The following SPAG16 variants were observed in gnomAD, a reference collection of about 807,000 sequenced individuals.
SPAG16 encodes the protein sperm associated antigen 16.
SPAG16 carries 86 observed loss-of-function variants against 80.4 expected under a neutral mutation model. That is an observed-to-expected ratio of 1.07 (90% confidence interval 0.90 to 1.28). The LOEUF is 1.28. SPAG16 is among the 50% of genes most tolerant of loss of function. The pLI is 0.00. For missense variants in SPAG16, 870 were observed against 765.3 expected (o/e 1.14, Z -1.61); for synonymous variants, 294 against 265.9 (o/e 1.11, Z -1.03).
intron 13 of SPAG16, among the ~76,000 whole-genome samples, chr2:214,014,652 A>G (rs1290306596): frequency 6.6e-6 from 1 of 152,234 alleles, no homozygotes; most frequent in Non-Finnish European, 1.5e-5. Context: ...CTGCAATGGC[A>G]TGTTCTGACA....
At chr2:213,679,647 G>T (rs529033678) in intron 10 of SPAG16, among the ~76,000 whole-genome samples, 25 of 152,226 alleles carry the variant, frequency 1.6e-4, no homozygotes, top group African/African-American at 6.0e-4. Context: ...TGTCTGTGAT[G>T]AAAATATTTG....
At chr2:213,947,455 T>G (rs1483720651) in intron 12 of SPAG16, among the ~76,000 whole-genome samples, 1 of 152,188 alleles carries the variant, frequency 6.6e-6, no homozygotes, top group Non-Finnish European at 1.5e-5. Context: ...GTTAGACATC[T>G]TATTATGTAC....
At chr2:214,151,895 A>C (rs1438301356) in intron 15 of SPAG16, among the ~76,000 whole-genome samples, 2 of 152,166 alleles carry the variant, frequency 1.3e-5, no homozygotes, top group African/African-American at 4.8e-5. Context: ...TCATATAAGG[A>C]ATGTGGGTGG....
chr2:214,169,570 T>A (rs1003049926), intron 15 of SPAG16, among the ~76,000 whole-genome samples: 5 of 152,036 alleles, frequency 3.3e-5, no homozygotes, highest in South Asian at 2.1e-4. Context: ...TGGAGAGAAA[T>A]GCTGCCTTCC....
chr2:213,424,769 G>A (rs1335779985), intron 9 of SPAG16, among the ~76,000 whole-genome samples: 1 of 152,138 alleles, frequency 6.6e-6, no homozygotes, highest in Non-Finnish European at 1.5e-5. Flanking sequence ...TACAATTTGA[G>A]CTTTGAGAAT....
In SPAG16 at chr2:214,213,903, T is replaced by C. The variant is rs139590538; in HGVS notation, c.1720+64637T>C. Among the ~76,000 whole-genome samples, 1,186 of 152,200 alleles carry C rather than the reference T, an allele frequency of 7.8e-3. 8 individuals are homozygous for C. The highest frequency in any genetic ancestry group is 0.014 in the Middle Eastern group (4 of 294). On this transcript the variant is annotated intron_variant, in intron 15 of 15. Coordinates refer to ENST00000331683, the MANE Select transcript of SPAG16 (RefSeq NM_024532.5). ...CAATAAGTATCCATTAGAAGTAAAA[T>C]TGTAGATGAGTGTGATCTGTTTATA...
intron 10 of SPAG16, among the ~76,000 whole-genome samples, chr2:213,831,845 C>T (rs1224295005): frequency 6.6e-6 from 1 of 151,966 alleles, no homozygotes; most frequent in Non-Finnish European, 1.5e-5. Flanking sequence ...ATTCTTACCC[C>T]ATTTTATAAA....
intron 6 of SPAG16, among the ~76,000 whole-genome samples, chr2:213,346,273 G>T (rs1214837702): frequency 6.6e-6 from 1 of 152,186 alleles, no homozygotes; most frequent in African/African-American, 2.4e-5. Context: ...AGCTTAAGGA[G>T]ATTTTGGGCT....
chr2:214,159,957 T>C (rs1343278627), intron 15 of SPAG16, among the ~76,000 whole-genome samples: 1 of 152,002 alleles, frequency 6.6e-6, no homozygotes, highest in Non-Finnish European at 1.5e-5. Flanking sequence ...GGTTGACAAA[T>C]ATTTAATGTA....
At chr2:214,113,721 T>C (rs1460324241) in intron 14 of SPAG16, among the ~76,000 whole-genome samples, 2 of 152,194 alleles carry the variant, frequency 1.3e-5, no homozygotes, top group East Asian at 3.9e-4. Flanking sequence ...TAGCCATTCA[T>C]CTAATCTTTT....
chr2:213,766,155 A>G (rs1318878596), intron 10 of SPAG16, among the ~76,000 whole-genome samples: 1 of 152,228 alleles, frequency 6.6e-6, no homozygotes, highest in Non-Finnish European at 1.5e-5. Context: ...AATGCCATGT[A>G]TTGTATGATT....
intron 13 of SPAG16, among the ~76,000 whole-genome samples, chr2:214,027,718 TG>T (rs1381697650): frequency 6.6e-6 from 1 of 151,884 alleles, no homozygotes; most frequent in Admixed American, 6.6e-5. Flanking sequence ...ACAGTTAAAA[TG>T]TTTTATGTTA....
At position 213,819,094 on chromosome 2, in the gene SPAG16, TGAA is replaced by T. The variant is rs1226005018; in HGVS notation, c.1071-43389_1071-43387del. ...ACTTTTATTTCAGTGAAGTTTCTCT[TGAA>T]GGAGTGGAACATTTCTTTATAAAAT... is the stretch of plus-strand genomic sequence containing the variant. On this transcript the variant is annotated intron_variant, in intron 10 of 15. Transcript: ENST00000331683. 5.9e-5 allele frequency among the ~76,000 whole-genome samples: 9 copies of T among 152,328 alleles called. No individual in the cohort carries two copies. The South Asian group carries it at 1.4e-3, about 25-fold the overall frequency.
At chr2:213,427,453 G>C (rs2070008779) in intron 9 of SPAG16, among the ~76,000 whole-genome samples, 1 of 151,916 alleles carries the variant, frequency 6.6e-6, no homozygotes, top group South Asian at 2.1e-4. Flanking sequence ...GGATTTTTTT[G>C]ACTGGCTTCT....
At chr2:213,731,409 C>A (rs1188166768) in intron 10 of SPAG16, among the ~76,000 whole-genome samples, 1 of 151,492 alleles carries the variant, frequency 6.6e-6, no homozygotes, top group South Asian at 2.1e-4. Context: ...ATCCATCCAC[C>A]TCGGCCTCCC....
At chr2:214,084,211 A>G (rs555269091) in intron 13 of SPAG16, among the ~76,000 whole-genome samples, 1 of 152,148 alleles carries the variant, frequency 6.6e-6, no homozygotes, top group South Asian at 2.1e-4. Context: ...CCTCTCTAAG[A>G]CTTCATTTCA....
intron 10 of SPAG16, among the ~76,000 whole-genome samples, chr2:213,656,423 T>C (rs2125165700): frequency 6.6e-6 from 1 of 152,332 alleles, no homozygotes; most frequent in East Asian, 1.9e-4. Flanking sequence ...CCTCCCAAAG[T>C]GCTGGGATTA....
chr2:214,288,573 T>C (rs1036660686), intron 15 of SPAG16, among the ~76,000 whole-genome samples: 1 of 152,116 alleles, frequency 6.6e-6, no homozygotes, highest in Non-Finnish European at 1.5e-5. Context: ...TCTCCTCACA[T>C]CCCGATCAGC....
chr2:213,332,028 A>T (rs559410370), intron 5 of SPAG16, among the ~76,000 whole-genome samples: 2 of 152,270 alleles, frequency 1.3e-5, no homozygotes, highest in South Asian at 4.1e-4. Context: ...ATAAAAAATA[A>T]ATAAAAAGGA....
Sources: allele counts gnomAD v4.1 joint callset (sites outside exome capture counted in the v4.1 genomes callset), GRCh38; gene constraint gnomAD v4.1.1; transcripts MANE v1.5; gene names NCBI Gene and HGNC (gene_info 2026-07-23, HGNC 2026-07-21).